KIF2A: variants seen among roughly 807,000 people sequenced by gnomAD.
KIF2A encodes the protein kinesin-like protein KIF2A.
KIF2A carries 22 observed loss-of-function variants against 100.2 expected under a neutral mutation model. That is an observed-to-expected ratio of 0.22 (90% confidence interval 0.16 to 0.31). The LOEUF is 0.31. KIF2A is among the 10% of genes least tolerant of loss of function. The probability of loss-of-function intolerance (pLI) is 1.00; values close to 1 mark genes in which losing one functional copy is unlikely to be tolerated. For synonymous variants in KIF2A, 268 were observed against 285.9 expected (o/e 0.94, Z 0.63); for missense variants, 495 against 898.7 (o/e 0.55, Z 5.74).
chr5:62,341,489 G>A (rs1033103787), intron 1 of KIF2A, among the ~76,000 whole-genome samples: 2 of 151,866 alleles, frequency 1.3e-5, no homozygotes, highest in East Asian at 3.9e-4. Context: ...TTTTTATAGA[G>A]TTGAGGTCTC....
intron 1 of KIF2A, among the ~76,000 whole-genome samples, chr5:62,331,410 TA>T (rs201132551): frequency 4.2e-3 from 563 of 134,602 alleles, no homozygotes; most frequent in African/African-American, 5.0e-3. Context: ...AGACTATGTC[TA>T]AAAAAAAAAA....
chr5:62,369,579 A>G (rs772903913), intron 16 of KIF2A, among the ~76,000 whole-genome samples: 37 of 152,178 alleles, frequency 2.4e-4, no homozygotes, highest in Non-Finnish European at 4.7e-4. Flanking sequence ...TATCAGACAC[A>G]TAATTGTTTC....
Position 62,386,427 on chromosome 5 carries a change from T to C in KIF2A, c.*858T>C, listed in dbSNP as rs1269677851. The C allele has an allele frequency of 6.6e-6, 1 of 152,236 alleles. No homozygotes were observed. The highest frequency in any genetic ancestry group is 2.4e-5 in the African/African-American group (1 of 41,464). The allele number at this position is 152,236 out of a possible 1,614,324, so 9.4% of individuals were successfully genotyped here. A position where few individuals can be genotyped will look rare whatever the true frequency, so the allele number is the denominator to read the frequency against. ...AAAATACATATATATGCAGTGTGTG[T>C]GCCAGTGTGGTATTAACAAGACTAA... On this transcript the variant is annotated 3_prime_UTR_variant, in exon 21 of 21. Transcript: ENST00000407818.
chr5:62,336,091 A>G (rs1367959682), intron 1 of KIF2A, among the ~76,000 whole-genome samples: 1 of 152,234 alleles, frequency 6.6e-6, no homozygotes, highest in African/African-American at 2.4e-5. Context: ...ACATAAGAGG[A>G]AACCAAAAAG....
rs1471600872 is a variant in KIF2A at position 62,306,448 on chromosome 5, C to CGCT, written c.-15_-13dup. The CGCT allele has an allele frequency of 2.0e-6, 3 of 1,537,926 alleles. No homozygotes were observed. Among genetic ancestry groups the CGCT allele is most frequent in the Non-Finnish European group, 2.6e-6 (3 of 1,140,248 alleles). On this transcript the variant is annotated 5_prime_UTR_variant, in exon 1 of 21. Coordinates refer to ENST00000407818, the MANE Select transcript of KIF2A (RefSeq NM_001098511.3). ...GCCCTCCGGTCCCCCTCCCTCGGCC[C>CGCT]GCTGCTGCTGCTCCAGATGAGGTGA...
chr5:62,360,418 C>T (rs933071391), intron 9 of KIF2A, among the ~76,000 whole-genome samples: 1 of 152,198 alleles, frequency 6.6e-6, no homozygotes, highest in Non-Finnish European at 1.5e-5. Context: ...GGTGCGGTGG[C>T]TCATGCCTGT....
intron 1 of KIF2A, among the ~76,000 whole-genome samples, chr5:62,331,551 C>T (rs990440144): frequency 6.6e-5 from 10 of 152,126 alleles, no homozygotes; most frequent in African/African-American, 2.4e-4. Context: ...AGATCGTCCA[C>T]TGTACTCCAG....
intron 1 of KIF2A, among the ~76,000 whole-genome samples, chr5:62,324,464 G>A (rs996689043): frequency 2.6e-5 from 4 of 152,090 alleles, no homozygotes; most frequent in African/African-American, 9.7e-5. Flanking sequence ...AAGCTGTACT[G>A]CAAAGCTGCA....
Position 62,389,155 on chromosome 5 carries a change from C to A in KIF2A, c.*3586C>A. ...AATACTAAAACATGAATACAGCATG[C>A]TTACAGAGCCCACCCACTCCTAATA... On this transcript the variant is annotated 3_prime_UTR_variant, in exon 21 of 21. Transcript: ENST00000407818. 1 of 990,756 alleles carries A rather than the reference C, an allele frequency of 1.0e-6. No individual in the cohort carries two copies. The allele number at this position is 990,756 out of a possible 1,614,324, so 61.4% of individuals were successfully genotyped here. A position where few individuals can be genotyped will look rare whatever the true frequency, so the allele number is the denominator to read the frequency against.
intron 1 of KIF2A, among the ~76,000 whole-genome samples, chr5:62,314,022 C>T (rs1010467236): frequency 6.6e-6 from 1 of 151,992 alleles, no homozygotes; most frequent in African/African-American, 2.4e-5. Context: ...GAACTCCTGG[C>T]CTCAAGCAAT....
intron 17 of KIF2A, 56 bp downstream of exon 17, chr5:62,372,607 C>T: frequency 1.0e-6 from 1 of 998,066 alleles, no homozygotes; most frequent in Non-Finnish European, 1.5e-6. Flanking sequence ...TTGAATTGTG[C>T]TTTGTATAAA....
intron 1 of KIF2A, among the ~76,000 whole-genome samples, chr5:62,342,007 T>C (rs1027355840): frequency 6.6e-6 from 1 of 152,248 alleles, no homozygotes; most frequent in Non-Finnish European, 1.5e-5. Flanking sequence ...AGGGTTATTC[T>C]TCACAGTAGT....
chr5:62,390,825 G>T lies in KIF2A; in HGVS notation c.*5256G>T, dbSNP rs777168295. 7.6e-6 allele frequency: 11 copies of T among 1,439,368 alleles called. 1 individual carries two copies. Among genetic ancestry groups the T allele is most frequent in the Non-Finnish European group, 1.1e-5 (11 of 1,022,564 alleles). The allele number at this position is 1,439,368 out of a possible 1,614,324, so 89.2% of individuals were successfully genotyped here. Reference sequence around the variant, plus strand: ...AAGCCTTTAAAATCTCCAATCTGAAGGTGTCACAGTAAAGAAATGTAAACA... The same window carrying T: ...AAGCCTTTAAAATCTCCAATCTGAATGTGTCACAGTAAAGAAATGTAAACA... On this transcript the variant is annotated 3_prime_UTR_variant, in exon 21 of 21. Coordinates refer to ENST00000407818, the MANE Select transcript of KIF2A (RefSeq NM_001098511.3).
intron 4 of KIF2A, among the ~76,000 whole-genome samples, chr5:62,350,657 A>G (rs1747802515): frequency 6.6e-6 from 1 of 152,030 alleles, no homozygotes; most frequent in Non-Finnish European, 1.5e-5. Flanking sequence ...CAGGCCTGTA[A>G]TCTCCACACT....
intron 1 of KIF2A, among the ~76,000 whole-genome samples, chr5:62,316,212 CTAAG>C (rs1338085382): frequency 3.3e-5 from 5 of 152,180 alleles, no homozygotes; most frequent in African/African-American, 1.2e-4. Context: ...TAAGCTATAA[CTAAG>C]TACTTTGCCT....
At chr5:62,383,281 C>T (rs1741868848) in intron 20 of KIF2A, among the ~76,000 whole-genome samples, 2 of 113,340 alleles carry the variant, frequency 1.8e-5, no homozygotes, top group Non-Finnish European at 3.4e-5. Context: ...CTCACTCTGT[C>T]ACGCAGGCTG....
chr5:62,366,786 A>G (rs997362609), intron 16 of KIF2A, among the ~76,000 whole-genome samples: 9 of 151,620 alleles, frequency 5.9e-5, no homozygotes, highest in East Asian at 1.9e-4. Flanking sequence ...AGCCGAGATC[A>G]CGCCACTGCA....
At chr5:62,338,307 G>A (rs1048751700) in intron 1 of KIF2A, among the ~76,000 whole-genome samples, 5 of 152,088 alleles carry the variant, frequency 3.3e-5, no homozygotes, top group Non-Finnish European at 7.3e-5. Flanking sequence ...TTATTTATTC[G>A]AGTCGGAGTC....
chr5:62,315,308 A>G (rs1361466977), intron 1 of KIF2A, among the ~76,000 whole-genome samples: 4 of 151,056 alleles, frequency 2.6e-5, no homozygotes, highest in Non-Finnish European at 4.4e-5. Context: ...TCCTTTGCCT[A>G]GAGATTCTGT....
Sources: gnomAD v4.1 joint callset for allele counts (sites outside exome capture counted in the v4.1 genomes callset) on GRCh38, gnomAD v4.1.1 for gene constraint, MANE v1.5 for transcripts, NCBI Gene and HGNC (gene_info 2026-07-23, HGNC 2026-07-21) for gene names.